The following MINK1 variants were observed in gnomAD, a reference collection of about 807,000 sequenced individuals.
MINK1 encodes misshapen-like kinase 1.
Under a neutral mutation model 178.4 loss-of-function variants are expected in MINK1, and 46 were observed. The ratio of observed to expected loss-of-function variants is 0.26; its 90% CI spans 0.20 to 0.33. The LOEUF (loss-of-function observed/expected upper bound fraction) is 0.33, where lower values mean the gene tolerates loss of function less well. MINK1 is among the 10% of genes least tolerant of loss of function. The probability of loss-of-function intolerance (pLI) is 1.00; values close to 1 mark genes in which losing one functional copy is unlikely to be tolerated. For missense variants in MINK1, 1,366 were observed against 1,814.9 expected (o/e 0.75, Z 4.49); for synonymous variants, 797 against 709.7 (o/e 1.12, Z -1.96).
chr17:4,897,257 T>C lies in MINK1; in HGVS notation c.3969T>C (p.Thr1323=). The stretch of plus-strand genomic sequence containing the variant: ...GCAGCAGCCAAGTTTACTTCATGAC[T>C]CTGAACCGTAACTGCATCATGAACT... The part of the protein sequence containing the change: ...SGGSSQVYFM[T]LNRNCIMNW The change falls in exon 32 of 32, where the codon ACT becomes ACC. Residue 1323 remains threonine (T), a synonymous_variant. Coordinates refer to ENST00000355280, the MANE Select transcript of MINK1 (RefSeq NM_153827.5). 3 of 1,613,696 alleles carry C rather than the reference T, an allele frequency of 1.9e-6. No homozygotes were observed. The highest frequency in any genetic ancestry group is 2.5e-6 in the Non-Finnish European group (3 of 1,179,726).
chr17:4,865,012 T>G (rs745912667), intron 1 of MINK1, among the ~76,000 whole-genome samples: 1 of 152,214 alleles, frequency 6.6e-6, no homozygotes, highest in African/African-American at 2.4e-5. Context: ...GACCAAAACC[T>G]TCCTTCCTCC....
At chr17:4,876,916 C>T (rs1054757769) in intron 1 of MINK1, among the ~76,000 whole-genome samples, 4 of 151,852 alleles carry the variant, frequency 2.6e-5, no homozygotes, top group East Asian at 1.9e-4. Context: ...AGTGACACCC[C>T]GTCTCTACTA....
intron 20 of MINK1, 172 bp downstream of exon 20, chr17:4,893,239 C>G (rs766348521): frequency 1.2e-6 from 2 of 1,611,734 alleles, no homozygotes; most frequent in East Asian, 4.5e-5. Context: ...CCTAACCTCT[C>G]TCCTAACCTC....
intron 1 of MINK1, chr17:4,844,716 G>T (rs765095486): frequency 3.1e-6 from 1 of 326,846 alleles, no homozygotes; most frequent in African/African-American, 2.3e-5. Context: ...AAGAGGACAT[G>T]CAGAAGACTT....
In MINK1 at chr17:4,891,678, C is replaced by A. The variant is rs199633382; in HGVS notation, c.1963C>A (p.Pro655Thr). 5.0e-4 allele frequency: 799 copies of A among 1,602,074 alleles called. No individual in the cohort carries two copies. Among genetic ancestry groups the A allele is most frequent in the Admixed American group, 6.8e-4 (39 of 57,764 alleles). ...SEGPGPSPNP[P>T]AWVRPDNEAP... The stretch of plus-strand genomic sequence containing the variant: ...AGGACCTGGCCCCAGCCCGAATCCC[C>A]CAGCCTGGGTCCGCCCAGATAACGA... Residue 655 changes from proline (P) to threonine (T), a missense_variant, in exon 16 of 32, where the codon CCA becomes ACA. Coordinates refer to ENST00000355280, the MANE Select transcript of MINK1 (RefSeq NM_153827.5).
chr17:4,882,392 C>T lies in MINK1; in HGVS notation c.306+1135C>T, dbSNP rs377536154. ...TCTCTGCCTGCGGGTCTCAGCTGCT[C>T]TCCCTGGGAGGTGCAGACCCAGAGC... On this transcript the variant is annotated intron_variant, in intron 4 of 31. Transcript: ENST00000355280. Among the ~76,000 whole-genome samples the T allele has an allele frequency of 1.3e-3, 205 of 152,334 alleles. 1 individual carries two copies. The highest frequency in any genetic ancestry group is 4.5e-3 in the African/African-American group (187 of 41,570).
intron 4 of MINK1, 70 bp from the exon 5 acceptor site, chr17:4,884,293 G>T (rs553503010): frequency 2.5e-6 from 3 of 1,209,652 alleles, no homozygotes; most frequent in African/African-American, 3.0e-5. Flanking sequence ...GTCTAGCAGG[G>T]GATTGGGGCA....
chr17:4,846,324 C>T (rs1911026792), intron 1 of MINK1, among the ~76,000 whole-genome samples: 1 of 152,210 alleles, frequency 6.6e-6, no homozygotes. Flanking sequence ...CCTTGTACAA[C>T]CTTAGAGGAA....
chr17:4,886,989 T>C lies in MINK1; in HGVS notation c.950-121T>C. Reference sequence around the variant, plus strand: ...CTGTCCTCCCATTGCCCCCAGGAAGTGGGTGGGGCCCCTCATGCTTGCCCA... The same window carrying C: ...CTGTCCTCCCATTGCCCCCAGGAAGCGGGTGGGGCCCCTCATGCTTGCCCA... On this transcript the variant is annotated intron_variant, in intron 10 of 31. Coordinates refer to ENST00000355280, the MANE Select transcript of MINK1 (RefSeq NM_153827.5). This position sits in a 1 kb window ranked among gnomAD's most constrained non-coding sequence, Gnocchi z 6.1. 2 of 1,019,200 alleles carry C rather than the reference T, an allele frequency of 2.0e-6. No homozygotes were observed. The highest frequency in any genetic ancestry group is 1.6e-5 in the South Asian group (1 of 64,010). 63.1% of individuals were successfully genotyped at this position (1,019,200 alleles called of 1,614,324 possible). A position where few individuals can be genotyped will look rare whatever the true frequency, so the allele number is the denominator to read the frequency against.
In MINK1 at chr17:4,885,035, C is replaced by T. The variant is rs1408164770; in HGVS notation, c.508+33C>T. On this transcript the variant is annotated intron_variant, in intron 6 of 31. Transcript: ENST00000355280. The surrounding 1 kb of genome is among the most constrained non-coding windows in gnomAD (Gnocchi z 5.0). ...GGCTCCTTCTGAGGCTGACGAGGAC[C>T]TTTCACCTCCAGAACAGAGAATGAG... The T allele has an allele frequency of 8.7e-6, 14 of 1,603,744 alleles. No homozygotes were observed. The highest frequency in any genetic ancestry group is 1.1e-5 in the Non-Finnish European group (13 of 1,171,414).
rs556725582 is a variant in MINK1 at position 4,896,890 on chromosome 17, A to G, written c.3915+77A>G. 28 of 1,481,688 alleles carry G rather than the reference A, an allele frequency of 1.9e-5. No homozygotes were observed. In the African/African-American group the frequency reaches 3.5e-4, roughly 19 times the overall value. The allele number at this position is 1,481,688 out of a possible 1,614,324, so 91.8% of individuals were successfully genotyped here. A position where few individuals can be genotyped will look rare whatever the true frequency, so the allele number is the denominator to read the frequency against. ...TAGGCCCCTGGGCAGAGTTCTGGGG[A>G]GAGGATGGTGGTGGTGGCTTCCTGA... On this transcript the variant is annotated intron_variant, in intron 31 of 31. Coordinates refer to ENST00000355280, the MANE Select transcript of MINK1 (RefSeq NM_153827.5). This position sits in a 1 kb window ranked among gnomAD's most constrained non-coding sequence, Gnocchi z 4.6.
chr17:4,887,462 T>C lies in MINK1; in HGVS notation c.1020-118T>C, dbSNP rs1968321663. ...GGTAAGTCTCCTGGCCACCTGGGAG[T>C]GGCCAGAGGCAGAGGCTTTGATCCA... On this transcript the variant is annotated intron_variant, in intron 11 of 31. Transcript: ENST00000355280. The surrounding 1 kb of genome is among the most constrained non-coding windows in gnomAD (Gnocchi z 7.6). 1 of 982,266 alleles carries C rather than the reference T, an allele frequency of 1.0e-6. No homozygotes were observed. Among genetic ancestry groups the C allele is most frequent in the Non-Finnish European group, 1.5e-6 (1 of 674,960 alleles). 60.8% of individuals were successfully genotyped at this position (982,266 alleles called of 1,614,324 possible).
rs1597540965 is a variant in MINK1, at chr17:4,887,456, T to A, written c.1020-124T>A. 2.1e-6 allele frequency: 2 copies of A among 935,802 alleles called. No homozygotes were observed. The highest frequency in any genetic ancestry group is 5.3e-5 in the East Asian group (2 of 37,468). 58.0% of individuals were successfully genotyped at this position (935,802 alleles called of 1,614,324 possible). A position where few individuals can be genotyped will look rare whatever the true frequency, so the allele number is the denominator to read the frequency against. On this transcript the variant is annotated intron_variant, in intron 11 of 31. Transcript: ENST00000355280. This position sits in a 1 kb window ranked among gnomAD's most constrained non-coding sequence, Gnocchi z 7.6. ...GGGGACGGTAAGTCTCCTGGCCACCTGGGAGTGGCCAGAGGCAGAGGCTTT... is the reference window on the plus strand; with the variant it reads ...GGGGACGGTAAGTCTCCTGGCCACCAGGGAGTGGCCAGAGGCAGAGGCTTT...
intron 13 of MINK1, chr17:4,890,174 T>C (rs1252725443): frequency 2.1e-6 from 2 of 950,020 alleles, no homozygotes; most frequent in Non-Finnish European, 2.8e-6. Flanking sequence ...CCTCTGCCTC[T>C]TCCTCCTTCC....
chr17:4,887,436 C>A lies in MINK1; in HGVS notation c.1020-144C>A. 1.3e-6 allele frequency: 1 copy of A among 798,800 alleles called. No individual in the cohort carries two copies. The highest frequency in any genetic ancestry group is 2.0e-6 in the Non-Finnish European group (1 of 506,734). 49.5% of individuals were successfully genotyped at this position (798,800 alleles called of 1,614,324 possible). On this transcript the variant is annotated intron_variant, in intron 11 of 31. Transcript: ENST00000355280. The surrounding 1 kb of genome is among the most constrained non-coding windows in gnomAD (Gnocchi z 7.6). ...GGACTGAAGACTGGGCAGAAGGGGACGGTAAGTCTCCTGGCCACCTGGGAG... is the reference window on the plus strand; with the variant it reads ...GGACTGAAGACTGGGCAGAAGGGGAAGGTAAGTCTCCTGGCCACCTGGGAG...
At chr17:4,849,659 A>G (rs1911617535) in intron 1 of MINK1, among the ~76,000 whole-genome samples, 1 of 151,918 alleles carries the variant, frequency 6.6e-6, no homozygotes, top group Admixed American at 6.6e-5. Context: ...CGCAACCTCC[A>G]TCTCCTGGTT....
rs76510773 is a variant in MINK1 at position 4,856,291 on chromosome 17, A to G, written c.58-22026A>G. On this transcript the variant is annotated intron_variant, in intron 1 of 31. Coordinates refer to ENST00000355280, the MANE Select transcript of MINK1 (RefSeq NM_153827.5). ...GAGAAAGGCAAGCATCTCGCGCTCT[A>G]CTTACCCTCTGGGTCCTTGAGGGGC... Among the ~76,000 whole-genome samples, 397 of 152,158 alleles carry G rather than the reference A, an allele frequency of 2.6e-3. 1 individual carries two copies. Among genetic ancestry groups the G allele is most frequent in the African/African-American group, 9.2e-3 (380 of 41,480 alleles).
At position 4,885,382 on chromosome 17, in the gene MINK1, C is replaced by A; in HGVS notation, c.509-101C>A. ...CTGGGGTGTCTGGGTCGGGCCAGGA[C>A]CACAGCTGGCTCAGGCAAGTCCTGT... is the stretch of plus-strand genomic sequence containing the variant. On this transcript the variant is annotated intron_variant, in intron 6 of 31. Transcript: ENST00000355280. The surrounding 1 kb of genome is among the most constrained non-coding windows in gnomAD (Gnocchi z 5.0). 1 of 1,516,268 alleles carries A rather than the reference C, an allele frequency of 6.6e-7. No individual in the cohort carries two copies. Among genetic ancestry groups the A allele is most frequent in the Non-Finnish European group, 9.0e-7 (1 of 1,112,614 alleles). 93.9% of individuals were successfully genotyped at this position (1,516,268 alleles called of 1,614,324 possible). A position where few individuals can be genotyped will look rare whatever the true frequency, so the allele number is the denominator to read the frequency against.
In MINK1 at chr17:4,895,919, G is replaced by T. The variant is rs1231487564; in HGVS notation, c.3365-84G>T. On this transcript the variant is annotated intron_variant, in intron 27 of 31. Transcript: ENST00000355280. The surrounding 1 kb of genome is among the most constrained non-coding windows in gnomAD (Gnocchi z 4.3). ...GGAGCCAGGGACTTGGGGCCTGGGT[G>T]GGGCAGTGTAGTGACAGACCACGGG... is the stretch of plus-strand genomic sequence containing the variant. 2.5e-6 allele frequency: 4 copies of T among 1,572,592 alleles called. No homozygotes were observed. The highest frequency in any genetic ancestry group is 3.5e-6 in the Non-Finnish European group (4 of 1,158,126).
Sources: gnomAD v4.1 joint callset for allele counts (sites outside exome capture counted in the v4.1 genomes callset) on GRCh38, gnomAD v4.1.1 for gene constraint, Gnocchi (gnomAD v3.1) non-coding constraint, MANE v1.5 for transcripts, NCBI Gene and HGNC (gene_info 2026-07-23, HGNC 2026-07-21) for gene names.